UNC5C: variants seen among roughly 807,000 people sequenced by gnomAD.
UNC5C encodes netrin receptor UNC5C.
UNC5C carries 47 observed loss-of-function variants against 99.8 expected under a neutral mutation model. The ratio of observed to expected loss-of-function variants is 0.47; its 90% CI spans 0.37 to 0.60. The LOEUF is 0.60. Ranked by LOEUF, UNC5C falls within the 20% of genes least tolerant of loss-of-function variation. The pLI, the probability that UNC5C is intolerant of heterozygous loss-of-function variation, is 0.00. For synonymous variants in UNC5C, 487 were observed against 452.2 expected (o/e 1.08, Z -0.98); for missense variants, 1,062 against 1,165.9 (o/e 0.91, Z 1.30).
intron 8 of UNC5C, among the ~76,000 whole-genome samples, chr4:95,219,683 A>G (rs1328063185): frequency 6.6e-6 from 1 of 152,210 alleles, no homozygotes; most frequent in Admixed American, 6.5e-5. Context: ...GCAATACAAG[A>G]TATCTTGTCA....
At chr4:95,535,136 GA>G (rs1392185171) in intron 1 of UNC5C, among the ~76,000 whole-genome samples, 1 of 151,888 alleles carries the variant, frequency 6.6e-6, no homozygotes, top group African/African-American at 2.4e-5. Context: ...CCTGGCACAG[GA>G]AAAAAGAAAT....
intron 10 of UNC5C, among the ~76,000 whole-genome samples, chr4:95,215,047 C>T (rs1314098302): frequency 3.9e-5 from 6 of 152,084 alleles, no homozygotes; most frequent in African/African-American, 1.2e-4. Flanking sequence ...AAGTACACCA[C>T]CCGAGGAAAA....
intron 1 of UNC5C, among the ~76,000 whole-genome samples, chr4:95,409,138 C>A (rs1422812389): frequency 6.6e-6 from 1 of 152,204 alleles, no homozygotes; most frequent in Non-Finnish European, 1.5e-5. Flanking sequence ...TTTGCAAGAA[C>A]TTTCCTATCT....
At chr4:95,237,002 G>A (rs1024871408) in intron 7 of UNC5C, among the ~76,000 whole-genome samples, 1 of 152,074 alleles carries the variant, frequency 6.6e-6, no homozygotes, top group African/African-American at 2.4e-5. Flanking sequence ...TATGTAAAAT[G>A]GCATAGTATT....
intron 1 of UNC5C, among the ~76,000 whole-genome samples, chr4:95,464,279 G>C (rs1747702503): frequency 6.6e-6 from 1 of 152,258 alleles, no homozygotes. Context: ...ATGCTGGGAG[G>C]AGTTGGAACA....
intron 1 of UNC5C, among the ~76,000 whole-genome samples, chr4:95,381,527 C>T (rs573541822): frequency 6.6e-6 from 1 of 152,230 alleles, no homozygotes; most frequent in Admixed American, 6.5e-5. Flanking sequence ...CCTCCTCTAC[C>T]ACCATATATC....
At position 95,206,855 on chromosome 4, in the gene UNC5C, A is replaced by C. The variant is rs1295086551; in HGVS notation, c.1734-59T>G. ...TTTCCATTGTATTCATGAACTATGCACTTGGGTTCTGAAGGCAAACAGGTC... is the reference window on the plus strand; with the variant it reads ...TTTCCATTGTATTCATGAACTATGCCCTTGGGTTCTGAAGGCAAACAGGTC... On this transcript the variant is annotated intron_variant, in intron 10 of 15. Coordinates refer to ENST00000453304, the MANE Select transcript of UNC5C (RefSeq NM_003728.4). The C allele has an allele frequency of 5.1e-6, 7 of 1,369,122 alleles. No homozygotes were observed. In the Admixed American group the frequency reaches 1.6e-4, roughly 31 times the overall value. The allele number at this position is 1,369,122 out of a possible 1,614,324, so 84.8% of individuals were successfully genotyped here. A position where few individuals can be genotyped will look rare whatever the true frequency, so the allele number is the denominator to read the frequency against.
chr4:95,221,741 A>C (rs1738474143), intron 7 of UNC5C, among the ~76,000 whole-genome samples: 1 of 152,166 alleles, frequency 6.6e-6, no homozygotes, highest in Non-Finnish European at 1.5e-5. Flanking sequence ...GCTGCTTTCA[A>C]AGTACTTACT....
chr4:95,291,644 T>C (rs1741457938), intron 3 of UNC5C, among the ~76,000 whole-genome samples: 1 of 152,142 alleles, frequency 6.6e-6, no homozygotes, highest in African/African-American at 2.4e-5. Context: ...AAAGCAAATA[T>C]GTTTGAAAAA....
At chr4:95,439,265 A>AT (rs890303775) in intron 1 of UNC5C, among the ~76,000 whole-genome samples, 18 of 152,176 alleles carry the variant, frequency 1.2e-4, no homozygotes, top group Non-Finnish European at 2.4e-4. Flanking sequence ...AATGGAAAAG[A>AT]TTTATAAGCA....
chr4:95,418,723 T>C (rs1746237910), intron 1 of UNC5C, among the ~76,000 whole-genome samples: 1 of 152,220 alleles, frequency 6.6e-6, no homozygotes, highest in East Asian at 1.9e-4. Flanking sequence ...AGCCATTACA[T>C]AGAACATGTG....
chr4:95,282,006 C>A (rs533605838), intron 3 of UNC5C, among the ~76,000 whole-genome samples: 2 of 152,104 alleles, frequency 1.3e-5, no homozygotes, highest in African/African-American at 4.8e-5. Context: ...GGAAAAGTCA[C>A]CCCCAGTTGA....
At chr4:95,544,482 C>T (rs561822131) in intron 1 of UNC5C, among the ~76,000 whole-genome samples, 5 of 152,256 alleles carry the variant, frequency 3.3e-5, no homozygotes, top group Admixed American at 6.5e-5. Context: ...TTACTATCTT[C>T]GGATGTCTGA....
At position 95,237,140 on chromosome 4, in the gene UNC5C, TA is replaced by T. The variant is rs759608021; in HGVS notation, c.1108+5288del. ...TTTAACATTTTATTTTTAATTGTTG[TA>T]TTTTTTTATTGTTTTTAAAAATATT... On this transcript the variant is annotated intron_variant, in intron 7 of 15. Transcript: ENST00000453304. Among the ~76,000 whole-genome samples, 8 of 152,234 alleles carry T rather than the reference TA, an allele frequency of 5.3e-5. No homozygotes were observed. The East Asian group carries it at 7.7e-4, about 15-fold the overall frequency.
chr4:95,523,627 G>T (rs1258461366), intron 1 of UNC5C, among the ~76,000 whole-genome samples: 3 of 152,096 alleles, frequency 2.0e-5, no homozygotes, highest in Non-Finnish European at 4.4e-5. Flanking sequence ...TATTCTGCTA[G>T]TTTCACCAAA....
At chr4:95,227,437 G>C (rs1182290614) in intron 7 of UNC5C, among the ~76,000 whole-genome samples, 1 of 152,144 alleles carries the variant, frequency 6.6e-6, no homozygotes, top group Non-Finnish European at 1.5e-5. Flanking sequence ...ACAGGTGTGA[G>C]CCATCGCACC....
chr4:95,466,147 A>C (rs1747770069), intron 1 of UNC5C, among the ~76,000 whole-genome samples: 1 of 152,214 alleles, frequency 6.6e-6, no homozygotes, highest in South Asian at 2.1e-4. Context: ...TGTCTAAGCA[A>C]AATCCCTGCA....
intron 7 of UNC5C, among the ~76,000 whole-genome samples, chr4:95,221,672 T>C (rs1738472401): frequency 6.6e-6 from 1 of 152,212 alleles, no homozygotes; most frequent in African/African-American, 2.4e-5. Flanking sequence ...ATCAAGTCAA[T>C]GTTAGCAAAT....
chr4:95,446,756 TG>T (rs141477265), intron 1 of UNC5C, among the ~76,000 whole-genome samples: 3,175 of 151,948 alleles, frequency 0.021, 124 homozygotes, highest in African/African-American at 0.073. Flanking sequence ...TACACTAAAA[TG>T]GGTGAATTTT....
Sources: allele counts gnomAD v4.1 joint callset (sites outside exome capture counted in the v4.1 genomes callset), GRCh38; gene constraint gnomAD v4.1.1; transcripts MANE v1.5; gene names NCBI Gene and HGNC (gene_info 2026-07-23, HGNC 2026-07-21).